SPATA13: variants seen among roughly 807,000 people sequenced by gnomAD.
The protein encoded by SPATA13 is spermatogenesis-associated protein 13.
A neutral mutation model predicts 104.0 loss-of-function variants in SPATA13; 50 were observed. That is an observed-to-expected ratio of 0.48 (90% confidence interval 0.38 to 0.61). SPATA13 has a LOEUF of 0.61. SPATA13 is among the 20% of genes least tolerant of loss of function. The pLI, the probability that SPATA13 is intolerant of heterozygous loss-of-function variation, is 0.00. For missense variants in SPATA13, 1,524 were observed against 1,690.6 expected, an observed-to-expected ratio of 0.90 and a Z score of 1.73; for synonymous variants, 606 against 667.5, an observed-to-expected ratio of 0.91 and a Z score of 1.42.
At chr13:24,145,962 A>G (rs564492610) in intron 3 of SPATA13, among the ~76,000 whole-genome samples, 33 of 152,328 alleles carry the variant, frequency 2.2e-4, no homozygotes, top group African/African-American at 7.2e-4. Flanking sequence ...CAACAGGCAT[A>G]GACTGCGGGG....
intron 1 of SPATA13, among the ~76,000 whole-genome samples, chr13:24,188,130 C>G (rs1004850002): frequency 1.3e-5 from 2 of 151,890 alleles, no homozygotes; most frequent in African/African-American, 4.9e-5. Context: ...TGCCTGAGCT[C>G]AGGAGTTCGA....
chr13:24,188,771 T>C (rs1004625347), intron 1 of SPATA13, among the ~76,000 whole-genome samples: 2 of 150,680 alleles, frequency 1.3e-5, no homozygotes, highest in Non-Finnish European at 2.9e-5. Flanking sequence ...AGGATTTTTC[T>C]AGCTAGAGAG....
chr13:24,060,224 CA>C (rs1878726239), intron 3 of SPATA13, among the ~76,000 whole-genome samples: 1 of 152,092 alleles, frequency 6.6e-6, no homozygotes, highest in South Asian at 2.1e-4. Context: ...GGTACTGGTA[CA>C]AAAACAGGCA....
intron 1 of SPATA13, among the ~76,000 whole-genome samples, chr13:24,179,598 C>CT (rs1868668840): frequency 5.4e-5 from 1 of 18,412 alleles, no homozygotes; most frequent in Admixed American, 3.5e-4. Context: ...AGATTAAATG[C>CT]AAGTCCCTAT....
chr13:24,158,988 A>G (rs4769331), upstream of SPATA13, among the ~76,000 whole-genome samples: 45,650 of 152,164 alleles, frequency 0.3, 7,460 homozygotes, highest in East Asian at 0.54. Flanking sequence ...AAAGTATTGC[A>G]TGTAAATGTT....
chr13:23,980,965 TATC>T (rs533897931), intron 1 of SPATA13, among the ~76,000 whole-genome samples: 53 of 152,302 alleles, frequency 3.5e-4, no homozygotes, highest in African/African-American at 1.2e-3. Context: ...GTTCCTTAAT[TATC>T]ATTTAAAAAG....
intron 3 of SPATA13, chr13:24,122,312 C>A: frequency 3.6e-6 from 5 of 1,391,418 alleles, no homozygotes; most frequent in Non-Finnish European, 5.1e-6. Context: ...TTCAAACTAT[C>A]GATTTGAATA....
chr13:24,290,379 A>G (rs1309772384), intron 8 of SPATA13, among the ~76,000 whole-genome samples: 1 of 152,162 alleles, frequency 6.6e-6, no homozygotes, highest in Non-Finnish European at 1.5e-5. Context: ...GAGGCAGGCT[A>G]GAAAGAGACC....
intron 2 of SPATA13, among the ~76,000 whole-genome samples, chr13:24,233,622 A>T (rs1220599): frequency 6.6e-6 from 1 of 151,884 alleles, no homozygotes; most frequent in Non-Finnish European, 1.5e-5. Flanking sequence ...TTTCTAAGTC[A>T]GTTTAAAAAA....
intron 4 of SPATA13, among the ~76,000 whole-genome samples, chr13:24,252,522 T>A (rs1024573153): frequency 1.3e-5 from 2 of 152,176 alleles, no homozygotes; most frequent in Non-Finnish European, 2.9e-5. Context: ...TGTAACAATA[T>A]GCAACGTGTA....
In SPATA13 at chr13:24,249,851, T is replaced by G. The variant is rs767799652; in HGVS notation, c.2019+9T>G. ...ACAATCTTCTGACCCAAGTAAGATC[T>G]GGTGTGCACTTCCCCAAGCCAGCAG... is the stretch of plus-strand genomic sequence containing the variant. On this transcript the variant is annotated intron_variant, in intron 3 of 12. Coordinates refer to ENST00000382108, the MANE Select transcript of SPATA13 (RefSeq NM_001166271.3). 4.4e-6 allele frequency: 7 copies of G among 1,579,200 alleles called. No homozygotes were observed. The African/African-American group carries it at 8.1e-5, about 18-fold the overall frequency.
chr13:24,280,158 C>T (rs1018927913), intron 4 of SPATA13, among the ~76,000 whole-genome samples: 2 of 152,124 alleles, frequency 1.3e-5, no homozygotes, highest in African/African-American at 2.4e-5. Flanking sequence ...ACTACAGGTG[C>T]GTACCACGAC....
chr13:24,252,259 G>A (rs1873536771), intron 4 of SPATA13, among the ~76,000 whole-genome samples: 1 of 152,134 alleles, frequency 6.6e-6, no homozygotes, highest in African/African-American at 2.4e-5. Context: ...GTGTTCCTTG[G>A]CCTGTAGGAG....
chr13:23,988,724 T>C (rs554673525), intron 2 of SPATA13, among the ~76,000 whole-genome samples: 2 of 151,714 alleles, frequency 1.3e-5, no homozygotes, highest in Non-Finnish European at 2.9e-5. Flanking sequence ...TTAGTTTACA[T>C]TTCTCCTATT....
intron 3 of SPATA13, among the ~76,000 whole-genome samples, chr13:24,052,080 A>T (rs1409025): frequency 0.84 from 128,431 of 152,018 alleles, 54,567 homozygotes; most frequent in Non-Finnish European, 0.9. Flanking sequence ...TTCTTACACC[A>T]GCATCCTGTG....
At chr13:24,187,355 G>A (rs886080258) in intron 1 of SPATA13, among the ~76,000 whole-genome samples, 1 of 152,092 alleles carries the variant, frequency 6.6e-6, no homozygotes, top group African/African-American at 2.4e-5. Flanking sequence ...GCTATCTTCA[G>A]TTCTCAGTGG....
chr13:24,281,796 C>CT (rs1034067836), intron 4 of SPATA13, among the ~76,000 whole-genome samples: 1 of 152,166 alleles, frequency 6.6e-6, no homozygotes, highest in African/African-American at 2.4e-5. Flanking sequence ...TGAGCACAGT[C>CT]TGAGAGAGGG....
At chr13:24,184,567 A>AT (rs1869025990) in intron 1 of SPATA13, among the ~76,000 whole-genome samples, 1 of 151,958 alleles carries the variant, frequency 6.6e-6, no homozygotes, top group South Asian at 2.1e-4. Flanking sequence ...TAACTTGTTG[A>AT]TTTTTTTTCT....
intron 1 of SPATA13, among the ~76,000 whole-genome samples, chr13:24,163,975 A>G (rs1474640115): frequency 6.6e-6 from 1 of 152,350 alleles, no homozygotes; most frequent in Admixed American, 6.5e-5. Context: ...CCTATGAGAC[A>G]TGTAATAGCA....
Sources: gnomAD v4.1 joint callset for allele counts (sites outside exome capture counted in the v4.1 genomes callset) on GRCh38, gnomAD v4.1.1 for gene constraint, MANE v1.5 for transcripts, NCBI Gene and HGNC (gene_info 2026-07-23, HGNC 2026-07-21) for gene names.